EIF2AK1: variants seen among roughly 807,000 people sequenced by gnomAD.
The protein encoded by EIF2AK1 is eukaryotic translation initiation factor 2 alpha kinase 1.
A neutral mutation model predicts 77.9 loss-of-function variants in EIF2AK1; 54 were observed. The observed-to-expected ratio is 0.69, with a 90% confidence interval of 0.56 to 0.87. EIF2AK1 has a LOEUF of 0.87. Among genes scored for constraint, EIF2AK1 ranks in the 40% least tolerant of loss-of-function variants. The pLI is 0.00. For synonymous variants in EIF2AK1, 314 were observed against 290.5 expected, an observed-to-expected ratio of 1.08 and a Z score of -0.82; for missense variants, 810 against 768.6, an observed-to-expected ratio of 1.05 and a Z score of -0.64.
At position 6,038,484 on chromosome 7, in the gene EIF2AK1, G is replaced by A. The variant is rs541643603; in HGVS notation, c.1231+76C>T. 122 of 999,500 alleles carry A rather than the reference G, an allele frequency of 1.2e-4. No individual in the cohort carries two copies. In the African/African-American group the frequency reaches 1.8e-3, roughly 15 times the overall value. The allele number at this position is 999,500 out of a possible 1,614,324, so 61.9% of individuals were successfully genotyped here. A position where few individuals can be genotyped will look rare whatever the true frequency, so the allele number is the denominator to read the frequency against. Reference sequence around the variant, plus strand: ...AAATAAAAATGAAAAAAAGCACCTGGAGGCAACTCCTACATGAGATGGGGA... The same window carrying A: ...AAATAAAAATGAAAAAAAGCACCTGAAGGCAACTCCTACATGAGATGGGGA... On this transcript the variant is annotated intron_variant, in intron 10 of 14. Transcript: ENST00000199389.
rs145450974 is a variant in EIF2AK1, at chr7:6,053,447, C to T, written c.277+1099G>A. Among the ~76,000 whole-genome samples, 763 of 152,210 alleles carry T rather than the reference C, an allele frequency of 5.0e-3. 50 individuals carry two copies. In the East Asian group the frequency reaches 0.13, roughly 25 times the overall value. On this transcript the variant is annotated intron_variant, in intron 2 of 14. Coordinates refer to ENST00000199389, the MANE Select transcript of EIF2AK1 (RefSeq NM_014413.4). ...CGCGATCTCAGCTCACTGCAACCTC[C>T]GCCTCCCAGGTTCAAATGATTTTCC...
chr7:6,038,979 G>A (rs1788189861), intron 9 of EIF2AK1, among the ~76,000 whole-genome samples: 1 of 152,140 alleles, frequency 6.6e-6, no homozygotes, highest in African/African-American at 2.4e-5. Context: ...TCTCAACTGT[G>A]ACCCGGAGAA....
Position 6,032,687 on chromosome 7 carries a change from A to T in EIF2AK1, c.1333-3655T>A, listed in dbSNP as rs1395837131. On this transcript the variant is annotated intron_variant, in intron 11 of 14. Transcript: ENST00000199389. This position sits in a 1 kb window ranked among gnomAD's most constrained non-coding sequence, Gnocchi z 4.3. ...TGAATTTTGATCATTTAAAACAGGT[A>T]GTAGAAAGGAAACTTTCAATGCACA... 8.5e-5 allele frequency among the ~76,000 whole-genome samples: 13 copies of T among 152,276 alleles called. No homozygotes were observed.
At position 6,043,816 on chromosome 7, in the gene EIF2AK1, G is replaced by A. The variant is rs551776978; in HGVS notation, c.730+746C>T. On this transcript the variant is annotated intron_variant, in intron 7 of 14. Transcript: ENST00000199389. ...TTTTATTTATTGATATTTAAATTTTGGGCCAGGCACAGAGGCTCATGCCTA... is the reference window on the plus strand; with the variant it reads ...TTTTATTTATTGATATTTAAATTTTAGGCCAGGCACAGAGGCTCATGCCTA... 5.3e-5 allele frequency among the ~76,000 whole-genome samples: 8 copies of A among 152,012 alleles called. No individual in the cohort carries two copies. The East Asian group carries it at 1.6e-3, about 30-fold the overall frequency.
chr7:6,038,445 A>G, intron 10 of EIF2AK1, 115 bp downstream of exon 10: 1 of 682,790 alleles, frequency 1.5e-6, no homozygotes. Context: ...TCTCAAAAAA[A>G]TAAAATAAAT....
At chr7:6,056,750 C>T (rs1234923853) in intron 1 of EIF2AK1, among the ~76,000 whole-genome samples, 4 of 150,478 alleles carry the variant, frequency 2.7e-5, no homozygotes, top group Non-Finnish European at 1.5e-5. Flanking sequence ...AAGATCACTC[C>T]CTTCAAAAAT....
chr7:6,035,590 C>T lies in EIF2AK1; in HGVS notation c.1332+1834G>A, dbSNP rs1430118491. The stretch of plus-strand genomic sequence containing the variant: ...ATCACATGTCTCCGCATCTTGTGTG[C>T]GCACGGAGCTCAAGTGAACACTCAA... On this transcript the variant is annotated intron_variant, in intron 11 of 14. Transcript: ENST00000199389. The surrounding 1 kb of genome is among the most constrained non-coding windows in gnomAD (Gnocchi z 5.5). The T allele has an allele frequency of 1.9e-5, 30 of 1,550,938 alleles. No homozygotes were observed. Among genetic ancestry groups the T allele is most frequent in the Middle Eastern group, 1.7e-4 (1 of 6,020 alleles).
At chr7:6,034,794 C>T (rs939832376) in intron 11 of EIF2AK1, among the ~76,000 whole-genome samples, 7 of 152,196 alleles carry the variant, frequency 4.6e-5, no homozygotes, top group Admixed American at 2.0e-4. Context: ...GAGATGAGGG[C>T]CAAGTTGTAA....
Position 6,022,447 on chromosome 7 carries a change from C to T in EIF2AK1, c.*2226G>A, listed in dbSNP as rs771391251. 6.6e-6 allele frequency: 1 copy of T among 152,074 alleles called. No homozygotes were observed. The highest frequency in any genetic ancestry group is 6.5e-5 in the Admixed American group (1 of 15,270). 9.4% of individuals were successfully genotyped at this position (152,074 alleles called of 1,614,324 possible). On this transcript the variant is annotated 3_prime_UTR_variant, in exon 15 of 15. Coordinates refer to ENST00000199389, the MANE Select transcript of EIF2AK1 (RefSeq NM_014413.4). ...CGGGGGTCAGTGTCCCTAACCCCCC[C>T]ACTGTTCAAGGGTTAGCTGTACTAT...
At chr7:6,029,328 C>G (rs1258994877) in intron 11 of EIF2AK1, among the ~76,000 whole-genome samples, 1 of 151,802 alleles carries the variant, frequency 6.6e-6, no homozygotes, top group South Asian at 2.1e-4. Flanking sequence ...GGTGAAAAAC[C>G]GTCTCTAAAA....
At chr7:6,057,380 G>A (rs1467394141) in intron 1 of EIF2AK1, 1 of 151,850 alleles carries the variant, frequency 6.6e-6, no homozygotes, top group Non-Finnish European at 1.5e-5. Context: ...TTCTCTTACA[G>A]GAATAACTTG....
At chr7:6,037,372 T>A in intron 11 of EIF2AK1, 52 bp downstream of exon 11, 1 of 1,185,950 alleles carries the variant, frequency 8.4e-7, no homozygotes, top group Non-Finnish European at 1.3e-6. Context: ...CATCAAGTCG[T>A]CCCTGATACA....
At chr7:6,049,065 C>A (rs1229450946) in intron 3 of EIF2AK1, among the ~76,000 whole-genome samples, 1 of 152,120 alleles carries the variant, frequency 6.6e-6, no homozygotes, top group Non-Finnish European at 1.5e-5. Flanking sequence ...AAAATCCATG[C>A]AGGAGCTCCC....
chr7:6,023,645 G>A lies in EIF2AK1; in HGVS notation c.*1028C>T, dbSNP rs1291481810. 1.2e-6 allele frequency: 2 copies of A among 1,614,152 alleles called. No individual in the cohort carries two copies. The highest frequency in any genetic ancestry group is 1.7e-6 in the Non-Finnish European group (2 of 1,180,030). On this transcript the variant is annotated 3_prime_UTR_variant, in exon 15 of 15. Transcript: ENST00000199389. ...AATGTGCAGAGGTGGATGAGGTCTT[G>A]TGAAAACCTGGCTCCTTTTAACACG...
rs201388339 is a variant in EIF2AK1 at position 6,023,610 on chromosome 7, A to C, written c.*1063T>G. 8 of 1,614,192 alleles carry C rather than the reference A, an allele frequency of 5.0e-6. No homozygotes were observed. Among genetic ancestry groups the C allele is most frequent in the Non-Finnish European group, 6.8e-6 (8 of 1,180,026 alleles). ...AGCAGATCGGAGGCTGCAGTGTGACAGTGCCAGCCAATGTGCAGAGGTGGA... is the reference window on the plus strand; with the variant it reads ...AGCAGATCGGAGGCTGCAGTGTGACCGTGCCAGCCAATGTGCAGAGGTGGA... On this transcript the variant is annotated 3_prime_UTR_variant, in exon 15 of 15. Coordinates refer to ENST00000199389, the MANE Select transcript of EIF2AK1 (RefSeq NM_014413.4).
intron 1 of EIF2AK1, chr7:6,057,735 G>A (rs1788826742): frequency 6.3e-6 from 1 of 158,920 alleles, no homozygotes; most frequent in Admixed American, 6.3e-5. Context: ...TCAAGCAAGC[G>A]ATTCTCCTGC....
Position 6,024,779 on chromosome 7 carries a change from T to G in EIF2AK1, c.1787A>C (p.Lys596Thr), listed in dbSNP as rs1320565463. 1.3e-6 allele frequency: 2 copies of G among 1,577,464 alleles called. No individual in the cohort carries two copies. The highest frequency in any genetic ancestry group is 2.0e-5 in the Admixed American group (1 of 50,924). The change falls in exon 15 of 15, where the codon AAG becomes ACG. Residue 596 changes from lysine to threonine, a missense_variant. Transcript: ENST00000199389. ...AATTTCTTTTTCTTGCTCTATTATCTTCATCTGTAGGGTGAGGTTAACCTG... is the reference window on the plus strand; with the variant it reads ...AATTTCTTTTTCTTGCTCTATTATCGTCATCTGTAGGGTGAGGTTAACCTG... ...SGNVNLTLQM[K>T]IIEQEKEIAE...
chr7:6,023,561 A>T lies in EIF2AK1; in HGVS notation c.*1112T>A. ...GCTGGGAATGAACTCACCGTAGCAGACGTGGTGCTGTGGTCTGTACTCCAG... is the reference window on the plus strand; with the variant it reads ...GCTGGGAATGAACTCACCGTAGCAGTCGTGGTGCTGTGGTCTGTACTCCAG... On this transcript the variant is annotated 3_prime_UTR_variant, in exon 15 of 15. Coordinates refer to ENST00000199389, the MANE Select transcript of EIF2AK1 (RefSeq NM_014413.4). 1 of 1,614,246 alleles carries T rather than the reference A, an allele frequency of 6.2e-7. No homozygotes were observed. Among genetic ancestry groups the T allele is most frequent in the Non-Finnish European group, 8.5e-7 (1 of 1,180,050 alleles).
rs1430941847 is a variant in EIF2AK1 at position 6,041,155 on chromosome 7, G to C, written c.856C>G (p.Pro286Ala). 5 of 1,613,764 alleles carry C rather than the reference G, an allele frequency of 3.1e-6. No homozygotes were observed. The highest frequency in any genetic ancestry group is 2.2e-5 in the South Asian group (2 of 91,074). ...SSSIIFAEPT[P>A]EKEKRFGESD... is the part of the protein sequence containing the mutation. ...TCTCCAAAGCGTTTTTCTTTTTCTG[G>C]GGTGGGCTCAGCAAAGATAATGGAT... Residue 286 changes from proline (P) to alanine (A), a missense_variant, in exon 9 of 15, where the codon CCA (proline) becomes GCA (alanine). Coordinates refer to ENST00000199389, the MANE Select transcript of EIF2AK1 (RefSeq NM_014413.4).
Sources: allele counts gnomAD v4.1 joint callset (sites outside exome capture counted in the v4.1 genomes callset), GRCh38; gene constraint gnomAD v4.1.1; non-coding constraint Gnocchi (gnomAD v3.1); transcripts MANE v1.5; gene names NCBI Gene and HGNC (gene_info 2026-07-23, HGNC 2026-07-21).